Variants in IGSF21 observed in about 807,000 individuals in gnomAD.
IGSF21 encodes the protein immunoglobin superfamily member 21.
A neutral mutation model predicts 46.8 loss-of-function variants in IGSF21; 28 were observed. That is an observed-to-expected ratio of 0.60 (90% CI 0.44 to 0.82). IGSF21 has a LOEUF of 0.82. Among genes scored for constraint, IGSF21 ranks in the 40% least tolerant of loss-of-function variants. IGSF21 has a pLI of 0.00. For synonymous variants in IGSF21, 284 were observed against 273.6 expected (o/e 1.04, Z -0.38); for missense variants, 624 against 665.5 (o/e 0.94, Z 0.69).
intron 2 of IGSF21, among the ~76,000 whole-genome samples, chr1:18,246,467 G>T (rs1208120650): frequency 6.6e-6 from 1 of 151,998 alleles, no homozygotes; most frequent in African/African-American, 2.4e-5. Context: ...TATGCATGTG[G>T]AGCTTAGGAC....
intron 1 of IGSF21, among the ~76,000 whole-genome samples, chr1:18,196,793 C>A (rs1475530851): frequency 6.6e-6 from 1 of 152,134 alleles, no homozygotes; most frequent in Non-Finnish European, 1.5e-5. Flanking sequence ...TGATCTTGAG[C>A]CTCTCAAGCC....
At chr1:18,160,544 G>A (rs1399172160) in intron 1 of IGSF21, among the ~76,000 whole-genome samples, 2 of 149,276 alleles carry the variant, frequency 1.3e-5, no homozygotes, top group African/African-American at 4.8e-5. Flanking sequence ...GCGAACTTGT[G>A]TGTTTTCTGG....
intron 1 of IGSF21, among the ~76,000 whole-genome samples, chr1:18,140,993 G>A (rs965221387): frequency 5.9e-5 from 9 of 152,192 alleles, no homozygotes; most frequent in Admixed American, 2.0e-4. Context: ...CCCAGCAAAC[G>A]TGGCACAATG....
intron 3 of IGSF21, among the ~76,000 whole-genome samples, chr1:18,305,494 A>T (rs2085413733): frequency 1.4e-5 from 2 of 142,220 alleles, no homozygotes; most frequent in African/African-American, 5.5e-5. Context: ...TGGATGATGG[A>T]TGGATGGATG....
chr1:18,127,147 T>G (rs904702333), intron 1 of IGSF21, among the ~76,000 whole-genome samples: 21 of 152,162 alleles, frequency 1.4e-4, no homozygotes, highest in African/African-American at 5.1e-4. Context: ...ATGACCACAC[T>G]GAGCCTCAGT....
intron 5 of IGSF21, among the ~76,000 whole-genome samples, chr1:18,363,373 GCCTTGC>G (rs2124631346): frequency 6.6e-6 from 1 of 152,326 alleles, no homozygotes; most frequent in East Asian, 1.9e-4. Context: ...GGCCAGCCCT[GCCTTGC>G]GACCTGGGGC....
intron 5 of IGSF21, among the ~76,000 whole-genome samples, chr1:18,362,558 A>G (rs1374303241): frequency 6.6e-6 from 1 of 152,158 alleles, no homozygotes; most frequent in Non-Finnish European, 1.5e-5. Flanking sequence ...GAGACAAATG[A>G]AAGGGGGCCC....
chr1:18,147,762 C>G (rs1167910515), intron 1 of IGSF21, among the ~76,000 whole-genome samples: 1 of 152,120 alleles, frequency 6.6e-6, no homozygotes, highest in African/African-American at 2.4e-5. Flanking sequence ...GTGAAAGGTA[C>G]TATTATTATC....
chr1:18,333,662 T>A (rs889011746), intron 3 of IGSF21, among the ~76,000 whole-genome samples: 1 of 152,198 alleles, frequency 6.6e-6, no homozygotes, highest in Non-Finnish European at 1.5e-5. Context: ...TTTGACTCCA[T>A]GTCAAGGCTC....
At chr1:18,302,126 T>A (rs223157) in intron 3 of IGSF21, among the ~76,000 whole-genome samples, 1 of 151,900 alleles carries the variant, frequency 6.6e-6, no homozygotes, top group Non-Finnish European at 1.5e-5. Context: ...CTCTCCTTCT[T>A]CAGGGGCTGC....
At chr1:18,239,936 G>A (rs2084710394) in intron 2 of IGSF21, among the ~76,000 whole-genome samples, 1 of 152,154 alleles carries the variant, frequency 6.6e-6, no homozygotes, top group Non-Finnish European at 1.5e-5. Context: ...GATATTTCTT[G>A]AGTACCAACT....
At chr1:18,221,586 G>A (rs1002976021) in intron 1 of IGSF21, among the ~76,000 whole-genome samples, 2 of 152,086 alleles carry the variant, frequency 1.3e-5, no homozygotes, top group Non-Finnish European at 2.9e-5. Context: ...AATATTGCCC[G>A]CGATTTTGCT....
rs145381673 is a variant in IGSF21 at position 18,324,369 on chromosome 1, G to A, written c.306-10523G>A. ...GCCACAGCTGCCTATCACTGAGCACGTACTCCACATCCGCCTCTGGATGGA... is the reference window on the plus strand; with the variant it reads ...GCCACAGCTGCCTATCACTGAGCACATACTCCACATCCGCCTCTGGATGGA... On this transcript the variant is annotated intron_variant, in intron 3 of 9. Transcript: ENST00000251296. Among the ~76,000 whole-genome samples, 862 of 152,284 alleles carry A rather than the reference G, an allele frequency of 5.7e-3. 8 individuals carry two copies. The highest frequency in any genetic ancestry group is 0.019 in the African/African-American group (802 of 41,568).
intron 1 of IGSF21, among the ~76,000 whole-genome samples, chr1:18,162,774 A>T (rs2086639337): frequency 6.6e-6 from 1 of 152,210 alleles, no homozygotes; most frequent in South Asian, 2.1e-4. Flanking sequence ...AGTAAATGTT[A>T]GTTTCATTCC....
chr1:18,286,472 G>C (rs2085212808), intron 2 of IGSF21, among the ~76,000 whole-genome samples: 1 of 152,204 alleles, frequency 6.6e-6, no homozygotes, highest in South Asian at 2.1e-4. Flanking sequence ...AGATTCTTTT[G>C]CATAACTACG....
intron 1 of IGSF21, among the ~76,000 whole-genome samples, chr1:18,196,789 T>G (rs991432189): frequency 6.6e-6 from 1 of 152,136 alleles, no homozygotes; most frequent in Non-Finnish European, 1.5e-5. Flanking sequence ...CACATGATCT[T>G]GAGCCTCTCA....
chr1:18,193,243 G>A (rs2086975169), intron 1 of IGSF21, among the ~76,000 whole-genome samples: 1 of 152,176 alleles, frequency 6.6e-6, no homozygotes, highest in Admixed American at 6.5e-5. Context: ...AAAAGAGGCA[G>A]TGGGAGAGCC....
intron 3 of IGSF21, among the ~76,000 whole-genome samples, chr1:18,302,274 T>C (rs1224140030): frequency 1.3e-5 from 2 of 152,148 alleles, no homozygotes. Context: ...GAGCGCCCCA[T>C]GCATTCCACT....
chr1:18,311,468 G>C (rs61377126), intron 3 of IGSF21, among the ~76,000 whole-genome samples: 5,407 of 152,258 alleles, frequency 0.036, 316 homozygotes, highest in African/African-American at 0.12. Flanking sequence ...AAGGCTGCAG[G>C]CTCTGGAGCG....
Sources: gnomAD v4.1 joint callset for allele counts (sites outside exome capture counted in the v4.1 genomes callset) on GRCh38, gnomAD v4.1.1 for gene constraint, MANE v1.5 for transcripts, NCBI Gene and HGNC (gene_info 2026-07-23, HGNC 2026-07-21) for gene names.